PDE1C: variants seen among roughly 807,000 people sequenced by gnomAD.
PDE1C encodes the protein phosphodiesterase 1C.
A neutral mutation model predicts 93.1 loss-of-function variants in PDE1C; 62 were observed. The ratio of observed to expected loss-of-function variants is 0.67; its 90% CI spans 0.54 to 0.82. The LOEUF (loss-of-function observed/expected upper bound fraction) is 0.82. Among genes scored for constraint, PDE1C ranks in the 40% least tolerant of loss-of-function variants. The pLI, the probability that PDE1C is intolerant of heterozygous loss-of-function variation, is 0.00. For missense variants in PDE1C, 742 were observed against 884.6 expected (o/e 0.84, Z 2.04); for synonymous variants, 325 against 310.1 (o/e 1.05, Z -0.50).
Position 31,886,851 on chromosome 7 carries a change from T to TTTCAGAATAGATCTATTCGGATCTA in PDE1C, c.129-6016_129-5992dup, listed in dbSNP as rs796114328. ...TTTCAGAATAGATCTTTTCGGATCT[T>TTTCAGAATAGATCTATTCGGATCTA]TTCAGAATAGATCTATTCGGATCTA... On this transcript the variant is annotated intron_variant, in intron 2 of 17. Transcript: ENST00000396191. Among the ~76,000 whole-genome samples, 16 of 10,652 alleles carry TTTCAGAATAGATCTATTCGGATCTA rather than the reference T, an allele frequency of 1.5e-3. 3 individuals carry two copies. Among genetic ancestry groups the TTTCAGAATAGATCTATTCGGATCTA allele is most frequent in the Non-Finnish European group, 2.4e-3 (8 of 3,304 alleles). The allele number at this position is 10,652 out of a possible 152,430, so 7.0% of individuals were successfully genotyped here.
At chr7:32,242,072 G>C (rs1258234934) in intron 1 of PDE1C, among the ~76,000 whole-genome samples, 2 of 152,198 alleles carry the variant, frequency 1.3e-5, no homozygotes, top group African/African-American at 4.8e-5. Context: ...AGATTTGCCA[G>C]ATAGCACAAG....
At chr7:32,274,657 G>C (rs1359757481) in intron 1 of PDE1C, among the ~76,000 whole-genome samples, 1 of 152,118 alleles carries the variant, frequency 6.6e-6, no homozygotes, top group Non-Finnish European at 1.5e-5. Flanking sequence ...TTTCTCTGAT[G>C]TGTGTTAGTT....
intron 8 of PDE1C, among the ~76,000 whole-genome samples, 192 bp from the exon 9 acceptor site, chr7:31,848,288 C>A (rs1273770114): frequency 6.6e-6 from 1 of 152,114 alleles, no homozygotes; most frequent in Non-Finnish European, 1.5e-5. Context: ...TATGTTATAT[C>A]AGTACATGTG....
the PDE1C span, among the ~76,000 whole-genome samples, chr7:31,720,748 A>G: frequency 3.3e-5 from 5 of 152,156 alleles, no homozygotes; most frequent in Non-Finnish European, 7.4e-5. Flanking sequence ...ACGACCCAAA[A>G]CAGAGGATGC....
intron 2 of PDE1C, among the ~76,000 whole-genome samples, chr7:31,895,702 C>T (rs924507026): frequency 8.6e-5 from 13 of 151,808 alleles, no homozygotes; most frequent in African/African-American, 2.4e-4. Context: ...GGAGGGACCT[C>T]GCAAGAGGTA....
the PDE1C span, chr7:31,707,111 G>A: frequency 3.5e-6 from 4 of 1,137,342 alleles, no homozygotes; most frequent in African/African-American, 1.6e-5. Flanking sequence ...AGGTTTCTGG[G>A]TTGCCATGCT....
intron 3 of PDE1C, among the ~76,000 whole-genome samples, chr7:32,084,629 G>C (rs140838003): frequency 0.098 from 14,763 of 151,304 alleles, 941 homozygotes; most frequent in Middle Eastern, 0.14. Context: ...AAATGTAAAA[G>C]AACAGAAATT....
chr7:31,833,168 GCTGT>G (rs961247028), intron 11 of PDE1C, among the ~76,000 whole-genome samples: 1 of 152,170 alleles, frequency 6.6e-6, no homozygotes, highest in Non-Finnish European at 1.5e-5. Flanking sequence ...TGGTTCTCAT[GCTGT>G]CTCTTTGCTG....
At chr7:31,763,035 TCTCTGAAGTAATTGATCACC>T (rs763979831) in intron 17 of PDE1C, among the ~76,000 whole-genome samples, 5 of 151,936 alleles carry the variant, frequency 3.3e-5, no homozygotes, top group Non-Finnish European at 7.4e-5. Context: ...CCCCCAGGAG[TCTCTGAAGTAATTGATCACC>T]CTGGAGTGGA....
chr7:31,758,061 A>C (rs1405934554), intron 17 of PDE1C, among the ~76,000 whole-genome samples: 1 of 152,108 alleles, frequency 6.6e-6, no homozygotes, highest in East Asian at 1.9e-4. Context: ...AAAACCAAAC[A>C]CTGCATGTTC....
At chr7:32,164,469 T>C (rs1025675008) in intron 3 of PDE1C, among the ~76,000 whole-genome samples, 4 of 152,196 alleles carry the variant, frequency 2.6e-5, no homozygotes, top group African/African-American at 9.7e-5. Flanking sequence ...TCCAAGGTTA[T>C]GTGGTGCTAG....
intron 16 of PDE1C, chr7:31,789,955 C>A: frequency 8.3e-7 from 1 of 1,205,656 alleles, no homozygotes; most frequent in Non-Finnish European, 1.0e-6. Flanking sequence ...TTTGAGGATG[C>A]CCCTTCATGT....
the PDE1C span, among the ~76,000 whole-genome samples, chr7:31,694,404 A>ACACACACACACACACACACG: frequency 6.6e-6 from 1 of 151,920 alleles, no homozygotes; most frequent in African/African-American, 2.4e-5. Flanking sequence ...ACACACACAC[A>ACACACACACACACACACACG]CACACACACA....
intron 2 of PDE1C, among the ~76,000 whole-genome samples, chr7:31,957,096 C>T (rs1292125158): frequency 4.0e-5 from 6 of 151,062 alleles, no homozygotes; most frequent in Non-Finnish European, 7.4e-5. Flanking sequence ...AAAATAATTG[C>T]TCTGTATTAA....
intron 1 of PDE1C, among the ~76,000 whole-genome samples, chr7:32,413,128 A>T (rs9655339): frequency 0.18 from 27,177 of 152,190 alleles, 5,193 homozygotes; most frequent in African/African-American, 0.48. Flanking sequence ...AAGAAAATAA[A>T]CAGCAAATAT....
At chr7:32,156,924 A>G (rs1445284185) in intron 3 of PDE1C, among the ~76,000 whole-genome samples, 2 of 152,204 alleles carry the variant, frequency 1.3e-5, no homozygotes, top group Admixed American at 1.3e-4. Flanking sequence ...AAATTGTGAG[A>G]AACAACTTTA....
chr7:31,845,514 A>G (rs1792452244), intron 9 of PDE1C, among the ~76,000 whole-genome samples: 1 of 152,054 alleles, frequency 6.6e-6, no homozygotes, highest in African/African-American at 2.4e-5. Context: ...AACATCACAC[A>G]CTGGGGCTTG....
At chr7:31,808,153 C>T (rs1787089111) in intron 16 of PDE1C, 1 of 458,452 alleles carries the variant, frequency 2.2e-6, no homozygotes, top group African/African-American at 2.1e-5. Flanking sequence ...ACTCTTCCAC[C>T]TGGTTACCCA....
chr7:32,282,165 A>AG (rs995039867), intron 1 of PDE1C, among the ~76,000 whole-genome samples: 6 of 151,750 alleles, frequency 4.0e-5, no homozygotes, highest in African/African-American at 1.5e-4. Context: ...AATAAAAAAA[A>AG]AAAAAAGAAA....
Sources: gnomAD v4.1 joint callset for allele counts (sites outside exome capture counted in the v4.1 genomes callset) on GRCh38, gnomAD v4.1.1 for gene constraint, MANE v1.5 for transcripts, NCBI Gene and HGNC (gene_info 2026-07-23, HGNC 2026-07-21) for gene names.